The following FADS3 variants were observed in gnomAD, a reference collection of about 807,000 sequenced individuals.
The protein encoded by FADS3 is cytochrome b5-related protein.
In FADS3, 30 loss-of-function variants were observed where a neutral mutation model predicts 60.4. That is an observed-to-expected ratio of 0.50 (90% confidence interval 0.37 to 0.67). FADS3 has a LOEUF of 0.67. Ranked by LOEUF, FADS3 falls within the 30% of genes least tolerant of loss-of-function variation. FADS3 has a pLI of 0.00. For missense variants in FADS3, 432 were observed against 598.3 expected, an observed-to-expected ratio of 0.72 and a Z score of 2.90; for synonymous variants, 234 against 249.3, an observed-to-expected ratio of 0.94 and a Z score of 0.58.
At chr11:61,874,435 G>T (rs1240198560) in intron 11 of FADS3, among the ~76,000 whole-genome samples, 1 of 152,192 alleles carries the variant, frequency 6.6e-6, no homozygotes, top group African/African-American at 2.4e-5. Context: ...AGGCGCAGAG[G>T]TATAAGACCT....
chr11:61,876,180 G>C lies in FADS3; in HGVS notation c.1091C>G (p.Thr364Ser). ...RDWVSSQLAA[T>S]CNVEPSLFTN... ...GAAAAGTGAGGGCTCCACGTTGCAG[G>C]TGGCTGCCAGCTGCCGGAAGCCGGC... The change falls in exon 10 of 12, where the codon ACC (threonine) becomes AGC (serine). Residue 364 changes from threonine (T) to serine (S), a missense_variant. Physicochemically the swap from Thr to Ser is moderately conservative, Grantham distance 58. Transcript: ENST00000278829. This position sits in a 1 kb window ranked among gnomAD's most constrained non-coding sequence, Gnocchi z 5.7. 1 of 1,601,750 alleles carries C rather than the reference G, an allele frequency of 6.2e-7. No homozygotes were observed. Among genetic ancestry groups the C allele is most frequent in the Non-Finnish European group, 8.5e-7 (1 of 1,174,720 alleles).
At chr11:61,889,042 T>G (rs748272157) in intron 1 of FADS3, among the ~76,000 whole-genome samples, 18 of 150,628 alleles carry the variant, frequency 1.2e-4, no homozygotes, top group Non-Finnish European at 2.4e-4. Context: ...ATTACAGGCA[T>G]GCGCCACCAC....
intron 1 of FADS3, 23 bp from the exon 2 acceptor site, chr11:61,880,174 G>A: frequency 6.3e-7 from 1 of 1,599,840 alleles, no homozygotes; most frequent in African/African-American, 1.3e-5. Flanking sequence ...AGACAGTCAG[G>A]CGGACAGACA....
rs905350632 is a variant in FADS3 at position 61,876,252 on chromosome 11, C to T, written c.1081-62G>A. 3.2e-6 allele frequency: 5 copies of T among 1,573,500 alleles called. No individual in the cohort carries two copies. The highest frequency in any genetic ancestry group is 4.3e-6 in the Non-Finnish European group (5 of 1,157,454). ...TTGCAGATCCCTGACCCCACGGCAC[C>T]ATCCCCCACCTGGCAGCCCCGTCAG... On this transcript the variant is annotated intron_variant, in intron 9 of 11. Transcript: ENST00000278829. The surrounding 1 kb of genome is among the most constrained non-coding windows in gnomAD (Gnocchi z 5.7).
chr11:61,882,716 C>A lies in FADS3; in HGVS notation c.214-2565G>T, dbSNP rs550388553. 5.9e-5 allele frequency among the ~76,000 whole-genome samples: 9 copies of A among 152,260 alleles called. No individual in the cohort carries two copies. The South Asian group carries it at 1.9e-3, about 32-fold the overall frequency. On this transcript the variant is annotated intron_variant, in intron 1 of 11. Transcript: ENST00000278829. ...GAGTACAGGTGTGAGCCACACCTGG[C>A]CTCTAATTTTTTTATTTATCTTTTA...
At position 61,875,862 on chromosome 11, in the gene FADS3, C is replaced by A; in HGVS notation, c.1275G>T (p.Val425=). 1 of 1,613,128 alleles carries A rather than the reference C, an allele frequency of 6.2e-7. No homozygotes were observed. The highest frequency in any genetic ancestry group is 2.2e-5 in the East Asian group (1 of 44,862). ...YEVKPFLTAL[V]DIVRSLKKSG... ...GGCTGCAGCCTCACCTGACGATGTCCACCAGCGCGGTGAGGAAGGGCTTCA... is the reference window on the plus strand; with the variant it reads ...GGCTGCAGCCTCACCTGACGATGTCAACCAGCGCGGTGAGGAAGGGCTTCA... Residue 425 remains valine (V), a synonymous_variant, in exon 11 of 12, where the codon GTG becomes GTT. Coordinates refer to ENST00000278829, the MANE Select transcript of FADS3 (RefSeq NM_021727.5).
rs536348319 is a variant in FADS3, at chr11:61,877,848, A to G, written c.809-261T>C. ...CTCTGTCCGCCCCAACAACTGCCCA[A>G]AGACTCTAGGGCTCCGGACCACTCT... On this transcript the variant is annotated intron_variant, in intron 6 of 11. Coordinates refer to ENST00000278829, the MANE Select transcript of FADS3 (RefSeq NM_021727.5). The surrounding 1 kb of genome is among the most constrained non-coding windows in gnomAD (Gnocchi z 4.7). 9 of 594,164 alleles carry G rather than the reference A, an allele frequency of 1.5e-5. No individual in the cohort carries two copies. In the Admixed American group the frequency reaches 2.7e-4, roughly 18 times the overall value. 36.8% of individuals were successfully genotyped at this position (594,164 alleles called of 1,614,324 possible).
At chr11:61,880,458 T>A (rs1010562854) in intron 1 of FADS3, 4 of 223,008 alleles carry the variant, frequency 1.8e-5, no homozygotes, top group African/African-American at 2.3e-5. Context: ...CGGGAAGACT[T>A]TGATTTCTTG....
In FADS3 at chr11:61,876,693, A is replaced by C; in HGVS notation, c.983+173T>G. 1 of 706,610 alleles carries C rather than the reference A, an allele frequency of 1.4e-6. No homozygotes were observed. Among genetic ancestry groups the C allele is most frequent in the Admixed American group, 2.1e-5 (1 of 46,874 alleles). 43.8% of individuals were successfully genotyped at this position (706,610 alleles called of 1,614,324 possible). On this transcript the variant is annotated intron_variant, in intron 8 of 11. Coordinates refer to ENST00000278829, the MANE Select transcript of FADS3 (RefSeq NM_021727.5). This position sits in a 1 kb window ranked among gnomAD's most constrained non-coding sequence, Gnocchi z 5.7. ...ACTTACAAGCCAGGCCACGCTCCCT[A>C]AACCCACCGACCCTGGGCTCCTGCC...
At chr11:61,885,287 TC>T (rs2135999737) in intron 1 of FADS3, among the ~76,000 whole-genome samples, 1 of 152,180 alleles carries the variant, frequency 6.6e-6, no homozygotes, top group South Asian at 2.1e-4. Flanking sequence ...TGAGCTGCTA[TC>T]CAGGAGCCAG....
chr11:61,880,207 G>A (rs1938078573), intron 1 of FADS3, 56 bp from the exon 2 acceptor site: 2 of 1,419,662 alleles, frequency 1.4e-6, no homozygotes, highest in Admixed American at 3.4e-5. Flanking sequence ...TAGCACAGCG[G>A]CAACCAGCAG....
chr11:61,889,537 C>A (rs190646424), intron 1 of FADS3, among the ~76,000 whole-genome samples: 3 of 152,012 alleles, frequency 2.0e-5, no homozygotes, highest in Admixed American at 6.6e-5. Flanking sequence ...ATCCCAGCTA[C>A]TCGGGAGGCT....
chr11:61,877,353 G>A lies in FADS3; in HGVS notation c.885+158C>T, dbSNP rs917644001. ...GGGCACACTCGCTCTCCTGCTGCGC[G>A]CACACATGTGAGCCACACTGTTGCA... On this transcript the variant is annotated intron_variant, in intron 7 of 11. Coordinates refer to ENST00000278829, the MANE Select transcript of FADS3 (RefSeq NM_021727.5). This position sits in a 1 kb window ranked among gnomAD's most constrained non-coding sequence, Gnocchi z 4.7. The A allele has an allele frequency of 2.1e-5, 13 of 632,370 alleles. No individual in the cohort carries two copies. Among genetic ancestry groups the A allele is most frequent in the African/African-American group, 9.9e-5 (5 of 50,400 alleles). The allele number at this position is 632,370 out of a possible 1,614,324, so 39.2% of individuals were successfully genotyped here.
chr11:61,877,763 C>T lies in FADS3; in HGVS notation c.809-176G>A. On this transcript the variant is annotated intron_variant, in intron 6 of 11. Transcript: ENST00000278829. The surrounding 1 kb of genome is among the most constrained non-coding windows in gnomAD (Gnocchi z 4.7). The stretch of plus-strand genomic sequence containing the variant: ...CTGTGTCCAAGCCTCCCCAGGCTGC[C>T]CTTACCCCACCACCTCCCACCACCC... 1 of 633,134 alleles carries T rather than the reference C, an allele frequency of 1.6e-6. No homozygotes were observed. Among genetic ancestry groups the T allele is most frequent in the East Asian group, 2.7e-5 (1 of 36,404 alleles). 39.2% of individuals were successfully genotyped at this position (633,134 alleles called of 1,614,324 possible). A position where few individuals can be genotyped will look rare whatever the true frequency, so the allele number is the denominator to read the frequency against.
At chr11:61,885,519 C>T (rs1403670812) in intron 1 of FADS3, among the ~76,000 whole-genome samples, 1 of 152,204 alleles carries the variant, frequency 6.6e-6, no homozygotes, top group Non-Finnish European at 1.5e-5. Context: ...GAGGTAAGTG[C>T]CTGCAGGAGG....
In FADS3 at chr11:61,878,552, G is replaced by A. The variant is rs781764082; in HGVS notation, c.707C>T (p.Thr236Met). The A allele has an allele frequency of 8.1e-6, 13 of 1,614,056 alleles. No homozygotes were observed. Among genetic ancestry groups the A allele is most frequent in the African/African-American group, 6.7e-5 (5 of 74,934 alleles). Residue 236 changes from threonine to methionine, a missense_variant, in exon 5 of 12, where the codon ACG becomes ATG. Thr to Met is a moderately conservative substitution (Grantham distance 81). This residue lies in a region of FADS3 where 116 missense variants were observed against 208.9 expected (regional missense o/e 0.56). Coordinates refer to ENST00000278829, the MANE Select transcript of FADS3 (RefSeq NM_021727.5). ...CCCCAGGAGGAAGACGGGCGCCACC[G>A]TCACGTCTGGGTCTTTGTGGAAGAT... is the stretch of plus-strand genomic sequence containing the variant. ...PNIFHKDPDV[T>M]VAPVFLLGES...
At position 61,876,717 on chromosome 11, in the gene FADS3, C is replaced by T. The variant is rs1267168418; in HGVS notation, c.983+149G>A. On this transcript the variant is annotated intron_variant, in intron 8 of 11. Transcript: ENST00000278829. The surrounding 1 kb of genome is among the most constrained non-coding windows in gnomAD (Gnocchi z 5.7). ...TAAACCCACCGACCCTGGGCTCCTG[C>T]CACGCTTGTGTTTATGTGATTCCAC... The T allele has an allele frequency of 1.3e-6, 1 of 767,558 alleles. No homozygotes were observed. The highest frequency in any genetic ancestry group is 2.7e-5 in the East Asian group (1 of 37,116). The allele number at this position is 767,558 out of a possible 1,614,324, so 47.5% of individuals were successfully genotyped here.
chr11:61,875,821 C>T (rs1937853969), intron 11 of FADS3, 30 bp downstream of exon 11: 1 of 1,605,490 alleles, frequency 6.2e-7, no homozygotes, highest in African/African-American at 1.3e-5. Flanking sequence ...GGGAAGCCAC[C>T]AGAACAGAGG....
At chr11:61,882,461 C>T (rs1361379837) in intron 1 of FADS3, 1 of 151,770 alleles carries the variant, frequency 6.6e-6, no homozygotes, top group African/African-American at 2.4e-5. Flanking sequence ...CACTCTGTCA[C>T]CAGGCTGGAG....
Sources: allele counts gnomAD v4.1 joint callset (sites outside exome capture counted in the v4.1 genomes callset), GRCh38; gene constraint gnomAD v4.1.1; regional missense constraint gnomAD v4.1.1; non-coding constraint Gnocchi (gnomAD v3.1); transcripts MANE v1.5; gene names NCBI Gene and HGNC (gene_info 2026-07-23, HGNC 2026-07-21).